CAST: variants seen among roughly 807,000 people sequenced by gnomAD.
CAST encodes the protein calpastatin.
In CAST, 76 loss-of-function variants were observed where a neutral mutation model predicts 119.6. The ratio of observed to expected loss-of-function variants is 0.64; its 90% CI spans 0.53 to 0.77. The LOEUF (loss-of-function observed/expected upper bound fraction) is 0.77, where lower values mean the gene tolerates loss of function less well. Among genes scored for constraint, CAST ranks in the 30% least tolerant of loss-of-function variants. CAST has a pLI of 0.00. For missense variants in CAST, 953 were observed against 946.5 expected, an observed-to-expected ratio of 1.01 and a Z score of -0.09; for synonymous variants, 319 against 331.6, an observed-to-expected ratio of 0.96 and a Z score of 0.41.
At chr5:96,512,305 C>A in the CAST span, among the ~76,000 whole-genome samples, 36 of 152,268 alleles carry the variant, frequency 2.4e-4, no homozygotes, top group African/African-American at 8.2e-4. Context: ...ATTTCTGATT[C>A]TTTCCCTGAG....
At chr5:96,692,363 C>T (rs1348752295) in intron 2 of CAST, among the ~76,000 whole-genome samples, 4 of 152,136 alleles carry the variant, frequency 2.6e-5, no homozygotes, top group Non-Finnish European at 5.9e-5. Flanking sequence ...AGGTAGTAAC[C>T]TGAGAAGACT....
chr5:96,145,033 G>A, the CAST span, among the ~76,000 whole-genome samples: 1 of 152,122 alleles, frequency 6.6e-6, no homozygotes, highest in African/African-American at 2.4e-5. Flanking sequence ...TAGCCTCTCG[G>A]CATGTACTTA....
the CAST span, among the ~76,000 whole-genome samples, chr5:96,406,512 A>T: frequency 2.0e-5 from 3 of 152,122 alleles, no homozygotes; most frequent in South Asian, 2.1e-4. Context: ...GACTCTTGGT[A>T]AGAGCCTTGC....
the CAST span, among the ~76,000 whole-genome samples, chr5:96,069,420 T>A: frequency 6.6e-6 from 1 of 151,686 alleles, no homozygotes; most frequent in Non-Finnish European, 1.5e-5. Flanking sequence ...TATGTGTGTG[T>A]GTATGTGCAT....
chr5:96,374,559 G>A, the CAST span, among the ~76,000 whole-genome samples: 2 of 152,204 alleles, frequency 1.3e-5, no homozygotes, highest in African/African-American at 2.4e-5. Context: ...GCGTATTCAT[G>A]TGTCGATGGG....
At chr5:96,559,893 C>T (rs1746320419) in intron 1 of CAST, among the ~76,000 whole-genome samples, 1 of 152,154 alleles carries the variant, frequency 6.6e-6, no homozygotes, top group Admixed American at 6.5e-5. Flanking sequence ...GCCCACATTG[C>T]CAAGTCAATC....
chr5:96,103,046 GA>G, the CAST span, among the ~76,000 whole-genome samples: 2 of 151,954 alleles, frequency 1.3e-5, no homozygotes, highest in African/African-American at 2.4e-5. Flanking sequence ...AAATAAAATG[GA>G]TAAAGATTCA....
At chr5:96,581,492 C>T (rs1746768584) in intron 1 of CAST, among the ~76,000 whole-genome samples, 1 of 152,154 alleles carries the variant, frequency 6.6e-6, no homozygotes, top group African/African-American at 2.4e-5. Flanking sequence ...CTTAAGTGCA[C>T]ACATATACTT....
chr5:96,574,534 A>T (rs1746631698), intron 1 of CAST, among the ~76,000 whole-genome samples: 1 of 152,002 alleles, frequency 6.6e-6, no homozygotes, highest in African/African-American at 2.4e-5. Flanking sequence ...AATCGTTTTT[A>T]TTTTGATGAA....
At chr5:96,768,078 T>C in intron 29 of CAST, 79 bp downstream of exon 29, 1 of 930,278 alleles carries the variant, frequency 1.1e-6, no homozygotes, top group Non-Finnish European at 1.8e-6. Context: ...TATTTATTGA[T>C]TGATCTATCT....
chr5:96,674,109 A>G (rs528169165), intron 1 of CAST, among the ~76,000 whole-genome samples: 2 of 152,332 alleles, frequency 1.3e-5, no homozygotes, highest in African/African-American at 4.8e-5. Flanking sequence ...AGAAAATATT[A>G]TCTAATTCCA....
chr5:96,767,416 AAT>A lies in CAST; in HGVS notation c.2131-20_2131-19del, dbSNP rs1770389886. On this transcript the variant is annotated intron_variant, in intron 27 of 31. Transcript: ENST00000675179. ...CCTTTACAGATATCTATGCTTAACC[AAT>A]AGTCTGCCTTCTTTTTAAGGACAAA... 3 of 1,603,686 alleles carry A rather than the reference AAT, an allele frequency of 1.9e-6. No homozygotes were observed. Among genetic ancestry groups the A allele is most frequent in the Non-Finnish European group, 2.6e-6 (3 of 1,170,886 alleles).
the CAST span, among the ~76,000 whole-genome samples, chr5:96,108,185 T>G: frequency 1.4e-5 from 2 of 144,484 alleles, no homozygotes; most frequent in African/African-American, 2.6e-5. Context: ...TCCCGTAGCT[T>G]GGAGTAATTT....
intron 1 of CAST, among the ~76,000 whole-genome samples, chr5:96,579,492 C>T (rs1277372096): frequency 1.3e-5 from 2 of 152,122 alleles, no homozygotes; most frequent in Admixed American, 6.5e-5. Context: ...GGGATATTTT[C>T]AGAGAGACTC....
At chr5:96,198,743 A>G in the CAST span, among the ~76,000 whole-genome samples, 1 of 152,208 alleles carries the variant, frequency 6.6e-6, no homozygotes, top group African/African-American at 2.4e-5. Flanking sequence ...ACATGGAGCA[A>G]AAGGGCTCAG....
the CAST span, among the ~76,000 whole-genome samples, chr5:96,381,121 C>A: frequency 3.9e-5 from 6 of 152,098 alleles, no homozygotes; most frequent in African/African-American, 1.4e-4. Flanking sequence ...TGCTGAAGTA[C>A]ATATCAGAAT....
chr5:96,534,688 G>GAGGAAGGAAGGAAGGAAGGAAGGAAGGA (rs1554066212), intron 1 of CAST, among the ~76,000 whole-genome samples: 1 of 36,910 alleles, frequency 2.7e-5, no homozygotes, highest in African/African-American at 8.4e-5. Flanking sequence ...GAGAGAGAGA[G>GAGGAAGGAAGGAAGGAAGGAAGGAAGGA]AGGAAGGAAG....
intron 16 of CAST, 95 bp from the exon 17 acceptor site, chr5:96,746,244 GTCT>G (rs1354920596): frequency 6.7e-6 from 5 of 743,322 alleles, no homozygotes; most frequent in Non-Finnish European, 1.2e-5. Context: ...ACCAGATTTG[GTCT>G]TCTCTATAAC....
chr5:95,998,223 T>C, the CAST span, among the ~76,000 whole-genome samples: 9 of 152,112 alleles, frequency 5.9e-5, no homozygotes, highest in Admixed American at 5.9e-4. Flanking sequence ...TCTGCTTATG[T>C]ATCAAGTGAC....
Sources: gnomAD v4.1 joint callset for allele counts (sites outside exome capture counted in the v4.1 genomes callset) on GRCh38, gnomAD v4.1.1 for gene constraint, MANE v1.5 for transcripts, NCBI Gene and HGNC (gene_info 2026-07-23, HGNC 2026-07-21) for gene names.